PRKACB: variants seen among roughly 807,000 people sequenced by gnomAD.
The protein encoded by PRKACB is protein kinase cAMP-activated catalytic subunit beta.
PRKACB carries 16 observed loss-of-function variants against 51.4 expected under a neutral mutation model. The observed-to-expected ratio is 0.31, with a 90% CI of 0.21 to 0.47. The LOEUF is 0.47. Among genes scored for constraint, PRKACB ranks in the 20% least tolerant of loss-of-function variants. PRKACB has a pLI of 1.00. For synonymous variants in PRKACB, 147 were observed against 154.4 expected (o/e 0.95, Z 0.35); for missense variants, 309 against 464.5 (o/e 0.67, Z 3.08).
chr1:84,182,402 TATA>T (rs1248142354), intron 3 of PRKACB, 74 bp downstream of exon 3: 4 of 1,165,972 alleles, frequency 3.4e-6, no homozygotes, highest in Non-Finnish European at 4.5e-6. Flanking sequence ...ACAGATTCAG[TATA>T]ATGACTTACC....
chr1:84,235,060 C>T, intron 9 of PRKACB, 120 bp from the exon 10 acceptor site: 1 of 1,056,914 alleles, frequency 9.5e-7, no homozygotes, highest in Non-Finnish European at 1.3e-6. Context: ...TTTTAGGAAC[C>T]TAATGGCATC....
rs896689630 is a variant in PRKACB at position 84,105,725 on chromosome 1, G to A, written c.46+27354G>A. Among the ~76,000 whole-genome samples the A allele has an allele frequency of 5.9e-5, 9 of 152,054 alleles. No homozygotes were observed. The East Asian group carries it at 1.6e-3, about 26-fold the overall frequency. On this transcript the variant is annotated intron_variant, in intron 1 of 8. Coordinates refer to the PRKACB transcript ENST00000370688. ...TGAGTAGCTGGGATTACAGGTGCAC[G>A]CCACCACAGCCCAGCTAATTTTTGT...
At chr1:84,138,905 C>A (rs1164848943) in intron 1 of PRKACB, among the ~76,000 whole-genome samples, 1 of 152,036 alleles carries the variant, frequency 6.6e-6, no homozygotes, top group Non-Finnish European at 1.5e-5. Context: ...TGCAACCCAC[C>A]ATATTAGTAG....
intron 1 of PRKACB, among the ~76,000 whole-genome samples, chr1:84,177,509 G>A (rs932438547): frequency 1.3e-5 from 2 of 152,058 alleles, no homozygotes; most frequent in Admixed American, 6.6e-5. Context: ...GGGAGGCTGA[G>A]CCAGAAAGTT....
At chr1:84,130,502 G>A (rs911900370) in intron 1 of PRKACB, among the ~76,000 whole-genome samples, 4 of 152,142 alleles carry the variant, frequency 2.6e-5, no homozygotes, top group African/African-American at 9.7e-5. Context: ...TTAATAAAGG[G>A]AAAAGAGCCT....
In PRKACB at chr1:84,174,613, A is replaced by G. The variant is rs1436968063; in HGVS notation, c.188-4564A>G. Among the ~76,000 whole-genome samples, 6 of 151,914 alleles carry G rather than the reference A, an allele frequency of 3.9e-5. No individual in the cohort carries two copies. The East Asian group carries it at 5.8e-4, about 15-fold the overall frequency. On this transcript the variant is annotated intron_variant, in intron 1 of 9. Transcript: ENST00000370685. ...GGAAGTGGAATGACTGAAAAATACT[A>G]AAGTTTTTCAAAAGGAAGAAACCAG...
chr1:84,114,113 G>A (rs1650443819), intron 1 of PRKACB, among the ~76,000 whole-genome samples: 1 of 152,034 alleles, frequency 6.6e-6, no homozygotes, highest in South Asian at 2.1e-4. Flanking sequence ...GTCATGTTAG[G>A]AGAAACAAAA....
Position 84,085,606 on chromosome 1 carries a change from G to C in PRKACB, c.46+7235G>C, listed in dbSNP as rs183302227. ...GAGAAGTGGCAAATGATCCTCAATT[G>C]AGCAAATAAATATATGGTAATGTAT... On this transcript the variant is annotated intron_variant, in intron 1 of 8. Transcript: ENST00000370688. The C allele has an allele frequency of 4.0e-3, 626 of 155,518 alleles. 4 individuals are homozygous for C. The highest frequency in any genetic ancestry group is 0.014 in the African/African-American group (563 of 41,646). The allele number at this position is 155,518 out of a possible 1,614,324, so 9.6% of individuals were successfully genotyped here.
chr1:84,147,409 T>C (rs1185150637), intron 1 of PRKACB, among the ~76,000 whole-genome samples: 1 of 152,020 alleles, frequency 6.6e-6, no homozygotes, highest in East Asian at 1.9e-4. Flanking sequence ...ACTTCTCAGC[T>C]AAAAGACTTT....
intron 1 of PRKACB, among the ~76,000 whole-genome samples, chr1:84,113,304 C>T (rs569814062): frequency 5.3e-4 from 81 of 152,202 alleles, no homozygotes; most frequent in African/African-American, 1.7e-3. Flanking sequence ...CCAGGAATTC[C>T]ACTGTTAAGT....
intron 8 of PRKACB, among the ~76,000 whole-genome samples, chr1:84,212,311 A>G (rs919961774): frequency 6.6e-6 from 1 of 152,118 alleles, no homozygotes; most frequent in Admixed American, 6.6e-5. Context: ...GTTTATTCTG[A>G]TGTGCATGGG....
chr1:84,079,313 G>T (rs1471501184), intron 1 of PRKACB, among the ~76,000 whole-genome samples: 2 of 152,156 alleles, frequency 1.3e-5, no homozygotes, highest in Non-Finnish European at 2.9e-5. Flanking sequence ...TATATCACCA[G>T]GAGTGAATGA....
intron 8 of PRKACB, among the ~76,000 whole-genome samples, chr1:84,208,362 C>T (rs1005505891): frequency 2.8e-4 from 42 of 152,238 alleles, no homozygotes; most frequent in East Asian, 2.1e-3. Context: ...TTTTATAGTT[C>T]GTTTAACATA....
rs565793468 is a variant in PRKACB at position 84,135,460 on chromosome 1, A to G, written c.47-43717A>G. On this transcript the variant is annotated intron_variant, in intron 1 of 8. Coordinates refer to the PRKACB transcript ENST00000370688. ...TAGCATTCATTAAATGCTCCATTTA[A>G]CAAGAGCAAAATATACATTTTTTTC... Among the ~76,000 whole-genome samples, 4 of 152,330 alleles carry G rather than the reference A, an allele frequency of 2.6e-5. No individual in the cohort carries two copies. The East Asian group carries it at 7.7e-4, about 29-fold the overall frequency.
intron 1 of PRKACB, among the ~76,000 whole-genome samples, chr1:84,104,520 T>C (rs1649585438): frequency 6.6e-6 from 1 of 152,186 alleles, no homozygotes; most frequent in South Asian, 2.1e-4. Flanking sequence ...TGCTGGATTA[T>C]ATCTTCTATT....
chr1:84,210,320 G>A (rs775761914), intron 8 of PRKACB, among the ~76,000 whole-genome samples: 1 of 152,148 alleles, frequency 6.6e-6, no homozygotes, highest in Non-Finnish European at 1.5e-5. Context: ...CTTTTATGTT[G>A]TACAAACACC....
chr1:84,127,639 T>C (rs1651742174), intron 1 of PRKACB, among the ~76,000 whole-genome samples: 1 of 152,094 alleles, frequency 6.6e-6, no homozygotes, highest in Non-Finnish European at 1.5e-5. Flanking sequence ...TTTTGCGGGT[T>C]TTTTTTCTTT....
chr1:84,235,184 A>G lies in PRKACB; in HGVS notation c.1076A>G (p.Glu359Gly). 1 of 1,611,304 alleles carries G rather than the reference A, an allele frequency of 6.2e-7. No individual in the cohort carries two copies. The highest frequency in any genetic ancestry group is 8.5e-7 in the Non-Finnish European group (1 of 1,179,290). Residue 359 changes from glutamate to glycine, a missense_variant, in exon 10 of 10, where the codon GAA becomes GGA. Physicochemically the swap from Glu to Gly is moderately conservative, Grantham distance 98. Around this residue, in one of 3 missense-constraint regions of PRKACB, gnomAD observed 96 missense variants for 129.9 expected, o/e 0.74. Transcript: ENST00000370685. ...TTCTCTCCCTCTCAATTATAGGTTG[A>G]AGCTCCATTCATACCAAAGTTTAGA... The part of the protein sequence containing the change: ...DWIAIYQRKV[E>G]APFIPKFRGS...
intron 7 of PRKACB, among the ~76,000 whole-genome samples, chr1:84,199,088 C>CATATAT (rs1558241589): frequency 1.7e-4 from 24 of 138,948 alleles, no homozygotes; most frequent in East Asian, 1.3e-3. Context: ...TATATATATG[C>CATATAT]GTATATATGC....
Sources: allele counts gnomAD v4.1 joint callset (sites outside exome capture counted in the v4.1 genomes callset), GRCh38; gene constraint gnomAD v4.1.1; regional missense constraint gnomAD v4.1.1; transcripts MANE v1.5; gene names NCBI Gene and HGNC (gene_info 2026-07-23, HGNC 2026-07-21).